Variants in FKBP15 observed in about 807,000 individuals in gnomAD.
FKBP15 encodes FK506-binding protein 15.
In FKBP15, 106 loss-of-function variants were observed where a neutral mutation model predicts 158.1. The observed-to-expected ratio is 0.67, with a 90% CI of 0.57 to 0.79. FKBP15 has a LOEUF of 0.79. Among genes scored for constraint, FKBP15 ranks in the 30% least tolerant of loss-of-function variants. The pLI is 0.00. For synonymous variants in FKBP15, 547 were observed against 548.6 expected (o/e 1.00, Z 0.04); for missense variants, 1,287 against 1,479.1 (o/e 0.87, Z 2.13).
chr9:113,166,882 G>A (rs111313904), intron 27 of FKBP15, among the ~76,000 whole-genome samples: 2,139 of 152,278 alleles, frequency 0.014, 43 homozygotes, highest in African/African-American at 0.049. Flanking sequence ...CGGCTAGCAG[G>A]GATTGATGCT....
intron 6 of FKBP15, among the ~76,000 whole-genome samples, chr9:113,201,614 G>A (rs544489762): frequency 4.2e-4 from 64 of 152,214 alleles, no homozygotes; most frequent in African/African-American, 1.4e-3. Context: ...TTTCTACCAT[G>A]TGAGGATACA....
chr9:113,219,120 C>G (rs937574195), intron 1 of FKBP15, among the ~76,000 whole-genome samples: 1 of 152,154 alleles, frequency 6.6e-6, no homozygotes, highest in Admixed American at 6.5e-5. Flanking sequence ...TTACTTCCCA[C>G]AACGGTGAGG....
rs1203444155 is a variant in FKBP15 at position 113,206,489 on chromosome 9, A to G, written c.324+20T>C. ...TATTTGGGACATCTGAATATACATG[A>G]GATGTGGGAGCACTCTCACCTCTCT... On this transcript the variant is annotated intron_variant, in intron 4 of 27. Transcript: ENST00000238256. 5.6e-6 allele frequency: 9 copies of G among 1,609,062 alleles called. No individual in the cohort carries two copies. Among genetic ancestry groups the G allele is most frequent in the African/African-American group, 1.3e-5 (1 of 74,808 alleles).
At position 113,162,930 on chromosome 9, in the gene FKBP15, G is replaced by A. The variant is rs371433205; in HGVS notation, c.*3148C>T. ...CAGCACAGCTTAGCTGGTGAGGAAC[G>A]TGCAGGCACTGAGGCTGGAGGGACA... On this transcript the variant is annotated 3_prime_UTR_variant, in exon 28 of 28. Transcript: ENST00000238256. 494 of 1,587,686 alleles carry A rather than the reference G, an allele frequency of 3.1e-4. No homozygotes were observed. Among genetic ancestry groups the A allele is most frequent in the Non-Finnish European group, 4.0e-4 (462 of 1,166,940 alleles).
chr9:113,201,058 AAG>A (rs1554717098), intron 6 of FKBP15, among the ~76,000 whole-genome samples: 9 of 151,702 alleles, frequency 5.9e-5, no homozygotes, highest in African/African-American at 2.2e-4. Context: ...AAAAAAAAAA[AAG>A]AGTTTCATTA....
intron 24 of FKBP15, among the ~76,000 whole-genome samples, chr9:113,171,051 T>C (rs1830199390): frequency 6.6e-6 from 1 of 152,218 alleles, no homozygotes; most frequent in Admixed American, 6.5e-5. Context: ...CTCAGAAAGA[T>C]AGGGTTCTTT....
Position 113,174,516 on chromosome 9 carries a change from AT to A in FKBP15, c.2290del (p.Ile764PhefsTer16). The A allele has an allele frequency of 6.2e-7, 1 of 1,613,962 alleles. No individual in the cohort carries two copies. The highest frequency in any genetic ancestry group is 8.5e-7 in the Non-Finnish European group (1 of 1,179,898). Reference sequence around the variant, plus strand: ...CAATTCCTCCTGGTATGACTTGCGAATTTCATCTATCTCCTCCTCGGCCTGA... The same window carrying A: ...CAATTCCTCCTGGTATGACTTGCGAATTCATCTATCTCCTCCTCGGCCTGA... ...RSQAEEEIDE[I>X]RKSYQEELDK... On this transcript the variant is annotated frameshift_variant, in exon 22 of 28. Transcript: ENST00000238256. LOFTEE classifies it high-confidence loss of function.
intron 6 of FKBP15, among the ~76,000 whole-genome samples, chr9:113,201,316 G>A (rs1004137390): frequency 5.9e-5 from 9 of 151,850 alleles, no homozygotes; most frequent in Non-Finnish European, 1.0e-4. Context: ...ATGTAGGGGG[G>A]AAAAAAGGAC....
intron 5 of FKBP15, 132 bp from the exon 6 acceptor site, chr9:113,202,761 C>T: frequency 1.3e-6 from 1 of 784,186 alleles, no homozygotes; most frequent in Non-Finnish European, 2.1e-6. Context: ...TTTCTTCTTC[C>T]CTCTCACCCT....
Position 113,184,154 on chromosome 9 carries a change from A to G in FKBP15, c.1716+138T>C. 1.6e-6 allele frequency: 1 copy of G among 643,786 alleles called. No homozygotes were observed. The highest frequency in any genetic ancestry group is 2.7e-5 in the East Asian group (1 of 36,462). 39.9% of individuals were successfully genotyped at this position (643,786 alleles called of 1,614,324 possible). On this transcript the variant is annotated intron_variant, in intron 17 of 27. Coordinates refer to ENST00000238256, the MANE Select transcript of FKBP15 (RefSeq NM_015258.2). This position sits in a 1 kb window ranked among gnomAD's most constrained non-coding sequence, Gnocchi z 4.5. ...CTTGGACAGAATTAAGCCATAATGG[A>G]TTTTCTAGAATTGTCTAACCCAGTG...
At chr9:113,171,794 G>A (rs1830216124) in intron 23 of FKBP15, 88 bp from the exon 24 acceptor site, 3 of 1,091,450 alleles carry the variant, frequency 2.7e-6, no homozygotes, top group East Asian at 6.3e-5. Context: ...CAAACATCAA[G>A]TCTCTTTTTT....
At chr9:113,206,631 A>T in intron 3 of FKBP15, 53 bp from the exon 4 acceptor site, 1 of 1,427,024 alleles carries the variant, frequency 7.0e-7, no homozygotes, top group Non-Finnish European at 9.8e-7. Context: ...ATTCTGCAGA[A>T]CCAGCTTTCT....
chr9:113,212,323 G>A (rs1831024325), intron 1 of FKBP15, among the ~76,000 whole-genome samples: 1 of 152,054 alleles, frequency 6.6e-6, no homozygotes, highest in East Asian at 1.9e-4. Flanking sequence ...CAAGTAGCTG[G>A]GACTACAGGC....
In FKBP15 at chr9:113,176,649, G is replaced by A. The variant is rs1281178907; in HGVS notation, c.2111C>T (p.Ala704Val). Reference sequence around the variant, plus strand: ...CTTTTCACTTTTGAATTTGGACTGTGCTTGCTCAGAGGTTTCTTGGAGCTC... The same window carrying A: ...CTTTTCACTTTTGAATTTGGACTGTACTTGCTCAGAGGTTTCTTGGAGCTC... ...LSELQETSEQAQSKFKSEKQN... is the reference protein window; with the variant it reads ...LSELQETSEQVQSKFKSEKQN... The change falls in exon 21 of 28, where the codon GCA (alanine) becomes GTA (valine). Residue 704 changes from alanine to valine, a missense_variant. Transcript: ENST00000238256. 1 of 1,608,542 alleles carries A rather than the reference G, an allele frequency of 6.2e-7. No individual in the cohort carries two copies. The highest frequency in any genetic ancestry group is 1.7e-5 in the Admixed American group (1 of 59,562).
intron 2 of FKBP15, 88 bp downstream of exon 2, chr9:113,211,389 C>A: frequency 1.0e-6 from 1 of 991,964 alleles, no homozygotes; most frequent in Non-Finnish European, 1.5e-6. Flanking sequence ...AAACTCCTGA[C>A]CTCAGGTGAT....
In FKBP15 at chr9:113,174,595, G is replaced by C. The variant is rs1163431638; in HGVS notation, c.2224-12C>G. 1.2e-6 allele frequency: 2 copies of C among 1,613,034 alleles called. No homozygotes were observed. The highest frequency in any genetic ancestry group is 1.7e-6 in the Non-Finnish European group (2 of 1,179,522). On this transcript the variant is annotated splice_polypyrimidine_tract_variant and intron_variant, in intron 21 of 27. Transcript: ENST00000238256. ...CTTTCTGAGAGGTTCTTAGGAACAA[G>C]AGAACCATCATCAGCTCTAGCTTGT...
rs576695458 is a variant in FKBP15 at position 113,210,904 on chromosome 9, C to G, written c.169+573G>C. 3.9e-5 allele frequency among the ~76,000 whole-genome samples: 6 copies of G among 152,324 alleles called. No homozygotes were observed. The East Asian group carries it at 5.8e-4, about 15-fold the overall frequency. On this transcript the variant is annotated intron_variant, in intron 2 of 27. Coordinates refer to ENST00000238256, the MANE Select transcript of FKBP15 (RefSeq NM_015258.2). ...TTTGGCTTTTGGACTCTTGGACTTA[C>G]ACTAGCGGTTGGCCAGAGGCTCTCA...
In FKBP15 at chr9:113,166,186, C is replaced by T. The variant is rs759856114; in HGVS notation, c.3583-31G>A. ...AAAACAGGAAAGAGCAGTCAGTCCT[C>T]ACTTGTGCCTGCACCACTGGACTTT... On this transcript the variant is annotated intron_variant, in intron 27 of 27. Transcript: ENST00000238256. 3.2e-6 allele frequency: 5 copies of T among 1,579,834 alleles called. No homozygotes were observed. In the East Asian group the frequency reaches 1.1e-4, roughly 36 times the overall value.
rs1033077475 is a variant in FKBP15, at chr9:113,161,203, T to C, written c.*4875A>G. ...ACATATAAATAGGACCTTGCAGTAC[T>C]CATCACTTAACAAGAAGTCACGACA... On this transcript the variant is annotated 3_prime_UTR_variant, in exon 28 of 28. Coordinates refer to ENST00000238256, the MANE Select transcript of FKBP15 (RefSeq NM_015258.2). 5.1e-6 allele frequency: 2 copies of C among 389,426 alleles called. No individual in the cohort carries two copies. Among genetic ancestry groups the C allele is most frequent in the Non-Finnish European group, 4.7e-6 (1 of 214,512 alleles). 24.1% of individuals were successfully genotyped at this position (389,426 alleles called of 1,614,324 possible).
Sources: allele counts gnomAD v4.1 joint callset (sites outside exome capture counted in the v4.1 genomes callset), GRCh38; gene constraint gnomAD v4.1.1; non-coding constraint Gnocchi (gnomAD v3.1); transcripts MANE v1.5; gene names NCBI Gene and HGNC (gene_info 2026-07-23, HGNC 2026-07-21).